CDK14: variants seen among roughly 807,000 people sequenced by gnomAD.
CDK14 encodes cyclin-dependent kinase 14.
Under a neutral mutation model 60.7 loss-of-function variants are expected in CDK14, and 34 were observed. The ratio of observed to expected loss-of-function variants is 0.56; its 90% CI spans 0.43 to 0.75. The LOEUF is 0.75. CDK14 is among the 30% of genes least tolerant of loss of function. CDK14 has a pLI of 0.00. For synonymous variants in CDK14, 197 were observed against 203.7 expected (o/e 0.97, Z 0.28); for missense variants, 482 against 564.1 (o/e 0.85, Z 1.47).
intron 9 of CDK14, among the ~76,000 whole-genome samples, chr7:90,966,047 C>T (rs984561172): frequency 6.6e-6 from 1 of 152,056 alleles, no homozygotes; most frequent in Non-Finnish European, 1.5e-5. Context: ...TAAAGAATAA[C>T]GTGTTTTAGC....
At chr7:90,741,218 G>A (rs1471263396) in intron 3 of CDK14, among the ~76,000 whole-genome samples, 1 of 152,108 alleles carries the variant, frequency 6.6e-6, no homozygotes, top group African/African-American at 2.4e-5. Flanking sequence ...TTCTTCCATT[G>A]AAGGTGCCAC....
rs545774211 is a variant in CDK14, at chr7:90,712,075, T to G, written c.124-14492T>G. ...AGAGAAAATATGTGGCAAGTTTTTT[T>G]TTTTCATTTTGGTAGTTATGAAGGA... On this transcript the variant is annotated intron_variant, in intron 2 of 14. Transcript: ENST00000380050. 2.0e-5 allele frequency among the ~76,000 whole-genome samples: 3 copies of G among 152,036 alleles called. No individual in the cohort carries two copies. The South Asian group carries it at 6.2e-4, about 32-fold the overall frequency.
chr7:90,875,892 T>C (rs1791542166), intron 6 of CDK14, among the ~76,000 whole-genome samples: 1 of 152,146 alleles, frequency 6.6e-6, no homozygotes, highest in South Asian at 2.1e-4. Flanking sequence ...GCTCTGAATA[T>C]TTCATTTATA....
At chr7:90,685,186 A>G (rs1384804609) in intron 2 of CDK14, among the ~76,000 whole-genome samples, 1 of 151,940 alleles carries the variant, frequency 6.6e-6, no homozygotes, top group African/African-American at 2.4e-5. Flanking sequence ...TTTCTTTCAC[A>G]TTGCTTTCTG....
At chr7:91,183,097 A>G (rs1802055911) in intron 14 of CDK14, among the ~76,000 whole-genome samples, 1 of 151,428 alleles carries the variant, frequency 6.6e-6, no homozygotes, top group Non-Finnish European at 1.5e-5. Flanking sequence ...TCCTAAAAAA[A>G]GTAATTAAGA....
At chr7:91,172,902 T>C (rs1368708786) in intron 14 of CDK14, among the ~76,000 whole-genome samples, 1 of 152,220 alleles carries the variant, frequency 6.6e-6, no homozygotes, top group Non-Finnish European at 1.5e-5. Flanking sequence ...AAATTATGAA[T>C]TCCTGTTAGG....
chr7:90,986,477 C>T (rs115092490), intron 10 of CDK14, among the ~76,000 whole-genome samples: 29 of 152,032 alleles, frequency 1.9e-4, no homozygotes, highest in African/African-American at 6.5e-4. Context: ...GGAAATAATA[C>T]AAAATTGTAC....
intron 8 of CDK14, among the ~76,000 whole-genome samples, chr7:90,948,728 A>G (rs1794169531): frequency 6.6e-6 from 1 of 152,258 alleles, no homozygotes; most frequent in Non-Finnish European, 1.5e-5. Context: ...CTCTCAGGCC[A>G]TAGTTTGCTG....
chr7:90,757,931 G>T (rs1804151206), intron 4 of CDK14, among the ~76,000 whole-genome samples: 1 of 152,122 alleles, frequency 6.6e-6, no homozygotes, highest in African/African-American at 2.4e-5. Context: ...TTGTGGAGTA[G>T]TTGCTATTAG....
At chr7:91,143,259 G>A (rs1800520037) in intron 14 of CDK14, among the ~76,000 whole-genome samples, 1 of 152,180 alleles carries the variant, frequency 6.6e-6, no homozygotes, top group Non-Finnish European at 1.5e-5. Flanking sequence ...CAGAGTAGGT[G>A]AGTGGGTACC....
rs1194753675 is a variant in CDK14, at chr7:91,208,158, TA to T, written c.*1029del. 6.6e-6 allele frequency: 1 copy of T among 152,602 alleles called. No individual in the cohort carries two copies. Among genetic ancestry groups the T allele is most frequent in the Non-Finnish European group, 1.5e-5 (1 of 68,032 alleles). 9.5% of individuals were successfully genotyped at this position (152,602 alleles called of 1,614,324 possible). On this transcript the variant is annotated 3_prime_UTR_variant, in exon 15 of 15. Transcript: ENST00000380050. ...AAGCACCTTTAAAAAAAATACATTT[TA>T]AAAAAACATTCCAAGCCAATTGGAA...
intron 14 of CDK14, among the ~76,000 whole-genome samples, chr7:91,144,650 T>G (rs992421399): frequency 1.3e-5 from 2 of 152,190 alleles, no homozygotes; most frequent in Non-Finnish European, 2.9e-5. Context: ...AGAGTAATTT[T>G]TGATAGTCTC....
intron 2 of CDK14, among the ~76,000 whole-genome samples, chr7:90,684,906 A>G (rs1378677946): frequency 1.3e-5 from 2 of 151,594 alleles, no homozygotes; most frequent in East Asian, 3.9e-4. Flanking sequence ...CCTTTCATAT[A>G]TATATATTCA....
intron 2 of CDK14, chr7:90,710,599 T>C (rs1042776729): frequency 2.7e-5 from 25 of 942,820 alleles, no homozygotes; most frequent in Non-Finnish European, 2.9e-5. Flanking sequence ...ACACCTGTAG[T>C]GGTTATGCTT....
intron 6 of CDK14, among the ~76,000 whole-genome samples, chr7:90,885,761 T>C (rs894715523): frequency 6.6e-6 from 1 of 152,182 alleles, no homozygotes; most frequent in African/African-American, 2.4e-5. Context: ...TCATGTCCTT[T>C]GCAGGGATAT....
chr7:90,938,104 A>G (rs567497311), intron 8 of CDK14, among the ~76,000 whole-genome samples: 1 of 152,356 alleles, frequency 6.6e-6, no homozygotes, highest in South Asian at 2.1e-4. Context: ...TGTAGATCCT[A>G]AATCATACCA....
chr7:90,869,941 T>C (rs1791311230), intron 6 of CDK14, among the ~76,000 whole-genome samples: 2 of 152,226 alleles, frequency 1.3e-5, no homozygotes, highest in African/African-American at 4.8e-5. Flanking sequence ...CATTGCTTCT[T>C]TGGACTGTTA....
At chr7:90,842,449 G>A (rs773968079) in intron 5 of CDK14, among the ~76,000 whole-genome samples, 1 of 152,156 alleles carries the variant, frequency 6.6e-6, no homozygotes, top group Non-Finnish European at 1.5e-5. Context: ...TGGTACTGCA[G>A]CCTAGGAAAA....
chr7:90,633,287 A>G (rs1027658842), intron 2 of CDK14, among the ~76,000 whole-genome samples: 3 of 152,102 alleles, frequency 2.0e-5, no homozygotes, highest in Non-Finnish European at 2.9e-5. Flanking sequence ...TATGTTGACT[A>G]TTTTCAGAAG....
Sources: allele counts gnomAD v4.1 joint callset (sites outside exome capture counted in the v4.1 genomes callset), GRCh38; gene constraint gnomAD v4.1.1; transcripts MANE v1.5; gene names NCBI Gene and HGNC (gene_info 2026-07-23, HGNC 2026-07-21).